PEX16: variants seen among roughly 807,000 people sequenced by gnomAD.
PEX16 encodes the protein peroxisomal biogenesis factor 16, also known as peroxin 16.
In PEX16, 37 loss-of-function variants were observed where a neutral mutation model predicts 50.5. The observed-to-expected ratio is 0.73, with a 90% CI of 0.56 to 0.96. The LOEUF (loss-of-function observed/expected upper bound fraction) is 0.96. Ranked by LOEUF, PEX16 falls within the 40% of genes least tolerant of loss-of-function variation. The pLI is 0.00. For missense variants in PEX16, 401 were observed against 438.3 expected, an observed-to-expected ratio of 0.91 and a Z score of 0.76; for synonymous variants, 185 against 190.3, an observed-to-expected ratio of 0.97 and a Z score of 0.23.
intron 9 of PEX16, among the ~76,000 whole-genome samples, chr11:45,913,248 T>C (rs2086796479): frequency 6.6e-6 from 1 of 152,056 alleles, no homozygotes; most frequent in East Asian, 1.9e-4. Flanking sequence ...CCTCAAGCAG[T>C]CATAGTGGCA....
Position 45,910,327 on chromosome 11 carries a change from G to A in PEX16, c.953-15C>T. Reference sequence around the variant, plus strand: ...CATGAGCGGCCCTGCAGTGGGAGAGGGACACATCAGGGCAGGCCAGACCCC... The same window carrying A: ...CATGAGCGGCCCTGCAGTGGGAGAGAGACACATCAGGGCAGGCCAGACCCC... On this transcript the variant is annotated splice_polypyrimidine_tract_variant and intron_variant, in intron 10 of 10. Coordinates refer to ENST00000378750, the MANE Select transcript of PEX16 (RefSeq NM_004813.4). 6.3e-7 allele frequency: 1 copy of A among 1,599,672 alleles called. No individual in the cohort carries two copies. Among genetic ancestry groups the A allele is most frequent in the Non-Finnish European group, 8.6e-7 (1 of 1,167,208 alleles).
In PEX16 at chr11:45,917,856, G is replaced by A. The variant is rs1409904957; in HGVS notation, c.-45C>T. On this transcript the variant is annotated 5_prime_UTR_variant, in exon 1 of 11. Coordinates refer to ENST00000378750, the MANE Select transcript of PEX16 (RefSeq NM_004813.4). Reference sequence around the variant, plus strand: ...GACCCACAGAAGGACCGTACGACAGGCTGCGGCGCCCTGCTTCCTGCGCCC... The same window carrying A: ...GACCCACAGAAGGACCGTACGACAGACTGCGGCGCCCTGCTTCCTGCGCCC... 1 of 1,381,220 alleles carries A rather than the reference G, an allele frequency of 7.2e-7. No homozygotes were observed. The highest frequency in any genetic ancestry group is 1.2e-5 in the South Asian group (1 of 80,944). 85.6% of individuals were successfully genotyped at this position (1,381,220 alleles called of 1,614,324 possible).
intron 4 of PEX16, 36 bp downstream of exon 4, chr11:45,915,667 C>A: frequency 6.2e-7 from 1 of 1,612,938 alleles, no homozygotes; most frequent in Non-Finnish European, 8.5e-7. Context: ...GCCTGCGTCA[C>A]CCCCACCCAG....
intron 2 of PEX16, 94 bp from the exon 3 acceptor site, chr11:45,916,397 T>C: frequency 1.0e-6 from 1 of 975,120 alleles, no homozygotes; most frequent in Non-Finnish European, 1.6e-6. Context: ...TGTCACATGC[T>C]CTGCTCAGAC....
Position 45,910,294 on chromosome 11 carries a change from A to G in PEX16, c.971T>C (p.Leu324Ser). The change falls in exon 11 of 11, where the codon TTG becomes TCG. Residue 324 changes from leucine to serine, a missense_variant. Transcript: ENST00000378750. ...GAAGTAGATTTTCTGCCAGGTGGGCAAGTAATCCATGAGCGGCCCTGCAGT... is the reference window on the plus strand; with the variant it reads ...GAAGTAGATTTTCTGCCAGGTGGGCGAGTAATCCATGAGCGGCCCTGCAGT... The part of the protein sequence containing the change: ...GLVTRPLMDY[L>S]PTWQKIYFYS... 2 of 1,612,550 alleles carry G rather than the reference A, an allele frequency of 1.2e-6. No individual in the cohort carries two copies. The highest frequency in any genetic ancestry group is 2.2e-5 in the East Asian group (1 of 44,780).
Position 45,917,725 on chromosome 11 carries a change from C to T in PEX16, c.87G>A (p.Val29=), listed in dbSNP as rs1565082984. 2 of 1,561,052 alleles carry T rather than the reference C, an allele frequency of 1.3e-6. No homozygotes were observed. The highest frequency in any genetic ancestry group is 2.7e-5 in the African/African-American group (2 of 73,852). Residue 29 remains valine (V), a synonymous_variant, in exon 1 of 11, where the codon GTG becomes GTA. Transcript: ENST00000378750. ...CTGCCAGCAGGTAACTGAAGCCCCG[C>T]ACTGCTGTCTCCAGCTGGGCCGTGG... ...PAATAQLETA[V]RGFSYLLAGR...
At chr11:45,913,681 G>A in intron 9 of PEX16, 138 bp downstream of exon 9, 2 of 976,682 alleles carry the variant, frequency 2.0e-6, no homozygotes, top group Admixed American at 1.9e-5. Flanking sequence ...CTGGCATCTG[G>A]TGACTGCCAC....
chr11:45,910,582 A>C (rs184145994), intron 10 of PEX16, among the ~76,000 whole-genome samples: 30 of 152,334 alleles, frequency 2.0e-4, no homozygotes, highest in Admixed American at 5.2e-4. Context: ...GGATCTCAGC[A>C]GCCCGGTGGA....
At position 45,917,448 on chromosome 11, in the gene PEX16, C is replaced by T. The variant is rs189736132; in HGVS notation, c.148+10G>A. ...GATCCCCCATCCCCCACCCCCAGAGCCCGGCTCACCCAGCTCTGACAGCTC... is the reference window on the plus strand; with the variant it reads ...GATCCCCCATCCCCCACCCCCAGAGTCCGGCTCACCCAGCTCTGACAGCTC... On this transcript the variant is annotated intron_variant, in intron 2 of 10. Transcript: ENST00000378750. 5.1e-5 allele frequency: 82 copies of T among 1,613,778 alleles called. 1 individual carries two copies. In the East Asian group the frequency reaches 1.8e-3, roughly 36 times the overall value.
At chr11:45,914,041 G>A (rs545406755) in intron 8 of PEX16, 90 bp downstream of exon 8, 2 of 1,570,010 alleles carry the variant, frequency 1.3e-6, no homozygotes, top group South Asian at 1.1e-5. Flanking sequence ...AACAGGAGGA[G>A]CAGGGGCCGC....
At chr11:45,915,395 ATG>A (rs1328007630) in intron 5 of PEX16, 71 bp downstream of exon 5, 32 of 1,115,562 alleles carry the variant, frequency 2.9e-5, no homozygotes, top group Non-Finnish European at 4.3e-5. Context: ...TACTGTATTC[ATG>A]CTGGTTGGAT....
At position 45,916,277 on chromosome 11, in the gene PEX16, G is replaced by A. The variant is rs2134697038; in HGVS notation, c.175C>T (p.Leu59=). Residue 59 remains leucine, a synonymous_variant, in exon 3 of 11, where the codon CTG becomes TTG. Transcript: ENST00000378750. ...TTCCGTAGGATCCCGTCATTGAGCA[G>A]CACAAGCAGGTTAGAGGCAGAGTAC... ...LVYSASNLLV[L]LNDGILRKEL... 6.2e-6 allele frequency: 10 copies of A among 1,613,990 alleles called. No homozygotes were observed. The highest frequency in any genetic ancestry group is 8.5e-6 in the Non-Finnish European group (10 of 1,179,998).
rs771827506 is a variant in PEX16, at chr11:45,910,900, G to A, written c.950C>T (p.Thr317Ile). 6 of 1,613,490 alleles carry A rather than the reference G, an allele frequency of 3.7e-6. No homozygotes were observed. Among genetic ancestry groups the A allele is most frequent in the South Asian group, 1.1e-5 (1 of 91,076 alleles). ...ATCGCGTCCCCATCCCTGCTTACTTGTGACCAGGCCAACGCCAGGGACGTG... is the reference window on the plus strand; with the variant it reads ...ATCGCGTCCCCATCCCTGCTTACTTATGACCAGGCCAACGCCAGGGACGTG... The part of the protein sequence containing the change: ...ADHVPGVGLV[T>I]RPLMDYLPTW... The change falls in exon 10 of 11, where the codon ACA becomes ATA. Residue 317 changes from threonine (T) to isoleucine (I), a missense_variant and splice_region_variant. Coordinates refer to ENST00000378750, the MANE Select transcript of PEX16 (RefSeq NM_004813.4).
rs993858392 is a variant in PEX16 at position 45,914,691 on chromosome 11, G to A, written c.461-7C>T. Reference sequence around the variant, plus strand: ...CCAGGGCTGTGGTCACCATCTAGCAGGGATAGACAGAAGGCCATACAGTCA... The same window carrying A: ...CCAGGGCTGTGGTCACCATCTAGCAAGGATAGACAGAAGGCCATACAGTCA... On this transcript the variant is annotated splice_region_variant and splice_polypyrimidine_tract_variant and intron_variant, in intron 5 of 10. Coordinates refer to ENST00000378750, the MANE Select transcript of PEX16 (RefSeq NM_004813.4). 1 of 1,612,946 alleles carries A rather than the reference G, an allele frequency of 6.2e-7. No individual in the cohort carries two copies. Among genetic ancestry groups the A allele is most frequent in the African/African-American group, 1.3e-5 (1 of 75,034 alleles).
intron 1 of PEX16, 65 bp downstream of exon 1, chr11:45,917,635 G>A (rs1409442973): frequency 6.7e-7 from 1 of 1,488,288 alleles, no homozygotes; most frequent in Non-Finnish European, 9.2e-7. Flanking sequence ...GACTCCGCAG[G>A]GAAGGGGGCC....
Position 45,915,719 on chromosome 11 carries a change from G to A in PEX16, c.343C>T (p.Leu115Phe). Reference sequence around the variant, plus strand: ...CCAACCTACTTGGCCAGCTGGACGAGGGCGATGACAAGCCAGCGGCCCACT... The same window carrying A: ...CCAACCTACTTGGCCAGCTGGACGAAGGCGATGACAAGCCAGCGGCCCACT... ...GEVGRWLVIA[L>F]VQLAKAVLRM... The change falls in exon 4 of 11, where the codon CTC becomes TTC. Residue 115 changes from leucine (L) to phenylalanine (F), a missense_variant. Leu to Phe is a conservative substitution (Grantham distance 22). Coordinates refer to ENST00000378750, the MANE Select transcript of PEX16 (RefSeq NM_004813.4). 9 of 1,614,070 alleles carry A rather than the reference G, an allele frequency of 5.6e-6. No homozygotes were observed. Among genetic ancestry groups the A allele is most frequent in the Non-Finnish European group, 7.6e-6 (9 of 1,179,998 alleles).
Position 45,914,379 on chromosome 11 carries a change from T to TG in PEX16, c.630dup (p.Thr211HisfsTer52), listed in dbSNP as rs1272517912. The TG allele has an allele frequency of 6.2e-7, 1 of 1,610,000 alleles. No homozygotes were observed. The highest frequency in any genetic ancestry group is 2.2e-5 in the East Asian group (1 of 44,850). On this transcript the variant is annotated frameshift_variant, in exon 7 of 11. Coordinates refer to ENST00000378750, the MANE Select transcript of PEX16 (RefSeq NM_004813.4). LOFTEE classifies it high-confidence loss of function. ...ATGGTCTCCTGCAGCCCCAGGGGGG[T>TG]GGGGGTCGCACTCAGCTCCTCGTGA...
rs1007452498 is a variant in PEX16 at position 45,913,855 on chromosome 11, T to C, written c.851A>G (p.Tyr284Cys). 1.2e-6 allele frequency: 2 copies of C among 1,613,566 alleles called. No individual in the cohort carries two copies. The highest frequency in any genetic ancestry group is 2.7e-5 in the African/African-American group (2 of 74,894). ...LRRRTILLLY[Y>C]LLRSPFYDRF... ...GTCATAGAAAGGAGAGCGCAGCAGG[T>C]AGTAGAGCAGCAGGATGGTCCGGCG... Residue 284 changes from tyrosine (Y) to cysteine (C), a missense_variant, in exon 9 of 11, where the codon TAC (tyrosine) becomes TGC (cysteine). Coordinates refer to ENST00000378750, the MANE Select transcript of PEX16 (RefSeq NM_004813.4).
intron 9 of PEX16, among the ~76,000 whole-genome samples, chr11:45,911,747 G>C (rs988539342): frequency 6.6e-5 from 10 of 152,208 alleles, no homozygotes; most frequent in African/African-American, 2.4e-4. Flanking sequence ...CTGGGGGCCG[G>C]GTGTGGTGGC....
Sources: gnomAD v4.1 joint callset for allele counts (sites outside exome capture counted in the v4.1 genomes callset) on GRCh38, gnomAD v4.1.1 for gene constraint, MANE v1.5 for transcripts, NCBI Gene and HGNC (gene_info 2026-07-23, HGNC 2026-07-21) for gene names.